RHOJ: variants seen among roughly 807,000 people sequenced by gnomAD.
The protein encoded by RHOJ is rho-related GTP-binding protein RhoJ.
A neutral mutation model predicts 23.4 loss-of-function variants in RHOJ; 11 were observed. That is an observed-to-expected ratio of 0.47 (90% CI 0.30 to 0.78). RHOJ has a LOEUF of 0.78. Ranked by LOEUF, RHOJ falls within the 30% of genes least tolerant of loss-of-function variation. RHOJ has a pLI of 0.08. For synonymous variants in RHOJ, 102 were observed against 102.7 expected (o/e 0.99, Z 0.04); for missense variants, 254 against 273.4 (o/e 0.93, Z 0.50).
chr14:63,287,999 A>G (rs1466405273), intron 4 of RHOJ, among the ~76,000 whole-genome samples: 1 of 152,154 alleles, frequency 6.6e-6, no homozygotes, highest in Admixed American at 6.5e-5. Context: ...AACCGGGATG[A>G]ATTCTTCTCC....
Position 63,243,613 on chromosome 14 carries a change from T to C in RHOJ, c.179-25497T>C, listed in dbSNP as rs149957284. On this transcript the variant is annotated intron_variant, in intron 1 of 4. Transcript: ENST00000316754. ...CCTTGGCTTCCCGAAGTGCCAGGAT[T>C]ACAGGCATAAGCCACCACGCCCGGC... Among the ~76,000 whole-genome samples, 750 of 152,270 alleles carry C rather than the reference T, an allele frequency of 4.9e-3. 5 individuals are homozygous for C. The highest frequency in any genetic ancestry group is 0.017 in the African/African-American group (710 of 41,552).
intron 4 of RHOJ, among the ~76,000 whole-genome samples, chr14:63,286,226 A>T (rs8006388): frequency 2.6e-5 from 4 of 151,948 alleles, no homozygotes; most frequent in African/African-American, 9.7e-5. Context: ...TCACTTCACC[A>T]CTGGTGTCTG....
intron 1 of RHOJ, among the ~76,000 whole-genome samples, chr14:63,266,955 G>T (rs1256288062): frequency 6.6e-6 from 1 of 152,036 alleles, no homozygotes; most frequent in African/African-American, 2.4e-5. Context: ...CAGTGCCCCT[G>T]CCGCAAGCCC....
intron 1 of RHOJ, among the ~76,000 whole-genome samples, chr14:63,215,214 C>G (rs1008569035): frequency 6.6e-6 from 1 of 152,156 alleles, no homozygotes; most frequent in Non-Finnish European, 1.5e-5. Context: ...AAGACCTCTA[C>G]TTAGGTCTTC....
chr14:63,218,716 G>C (rs1894419052), intron 1 of RHOJ, among the ~76,000 whole-genome samples: 1 of 152,152 alleles, frequency 6.6e-6, no homozygotes, highest in African/African-American at 2.4e-5. Flanking sequence ...GGGTAATCTA[G>C]AACTCAGCAG....
At chr14:63,218,070 T>G (rs1185973341) in intron 1 of RHOJ, among the ~76,000 whole-genome samples, 1 of 152,212 alleles carries the variant, frequency 6.6e-6, no homozygotes, top group Admixed American at 6.5e-5. Context: ...GTACTACATT[T>G]CTCTTCTGGC....
chr14:63,268,214 AT>A (rs151189702), intron 1 of RHOJ, among the ~76,000 whole-genome samples: 16 of 150,098 alleles, frequency 1.1e-4, no homozygotes, highest in East Asian at 5.8e-4. Flanking sequence ...AAGCGATTCA[AT>A]TTTTTTTTTG....
At chr14:63,281,224 G>A (rs1425462769) in intron 3 of RHOJ, 89 bp downstream of exon 3, 16 of 1,281,478 alleles carry the variant, frequency 1.2e-5, no homozygotes, top group Admixed American at 2.5e-5. Flanking sequence ...TCTGCCAAAC[G>A]CTATGGAAGT....
intron 2 of RHOJ, among the ~76,000 whole-genome samples, chr14:63,271,659 A>G (rs1490803194): frequency 6.6e-6 from 1 of 152,232 alleles, no homozygotes; most frequent in East Asian, 1.9e-4. Context: ...CAGTGGCGCA[A>G]TCTTGGATCA....
chr14:63,279,130 G>A (rs909898127), intron 2 of RHOJ, among the ~76,000 whole-genome samples: 2 of 152,202 alleles, frequency 1.3e-5, no homozygotes, highest in African/African-American at 4.8e-5. Flanking sequence ...TTCAATGTTT[G>A]CATTTTTGCA....
chr14:63,220,289 A>G (rs1894460929), intron 1 of RHOJ, among the ~76,000 whole-genome samples: 1 of 152,138 alleles, frequency 6.6e-6, no homozygotes, highest in African/African-American at 2.4e-5. Context: ...TGGTGCAGAC[A>G]GTGATCCTCC....
chr14:63,213,255 A>G (rs1047136818), intron 1 of RHOJ, among the ~76,000 whole-genome samples: 5 of 152,180 alleles, frequency 3.3e-5, no homozygotes, highest in Non-Finnish European at 7.3e-5. Context: ...ACAATACCCA[A>G]TAGTTAGTTT....
At chr14:63,230,617 C>T (rs757221167) in intron 1 of RHOJ, among the ~76,000 whole-genome samples, 2 of 151,762 alleles carry the variant, frequency 1.3e-5, no homozygotes, top group South Asian at 4.2e-4. Flanking sequence ...TGTATAAAAA[C>T]GAGCTACTCT....
In RHOJ at chr14:63,223,352, T is replaced by G. The variant is rs1894533502; in HGVS notation, c.178+18305T>G. On this transcript the variant is annotated intron_variant, in intron 1 of 4. Coordinates refer to ENST00000316754, the MANE Select transcript of RHOJ (RefSeq NM_020663.5). ...CTCTTCCTTAGTGTTACAGATCACT[T>G]TTCTCTCCTCTTCATCCAAGTTTAC... Among the ~76,000 whole-genome samples, 4 of 152,136 alleles carry G rather than the reference T, an allele frequency of 2.6e-5. No individual in the cohort carries two copies. In the South Asian group the frequency reaches 8.3e-4, roughly 32 times the overall value.
intron 1 of RHOJ, among the ~76,000 whole-genome samples, chr14:63,248,009 G>A (rs1049636759): frequency 2.6e-5 from 4 of 152,116 alleles, no homozygotes; most frequent in Admixed American, 2.0e-4. Flanking sequence ...CAGTATGGGG[G>A]AAACTGCCCC....
chr14:63,247,549 A>G (rs1021820532), intron 1 of RHOJ, among the ~76,000 whole-genome samples: 31 of 152,212 alleles, frequency 2.0e-4, no homozygotes, highest in African/African-American at 7.0e-4. Context: ...GGAAGAGACT[A>G]CTAAGTTTCT....
chr14:63,269,077 T>A, intron 1 of RHOJ, 33 bp from the exon 2 acceptor site: 1 of 1,522,266 alleles, frequency 6.6e-7, no homozygotes, highest in Admixed American at 1.7e-5. Context: ...GTTTATGGAC[T>A]CTCCTCTTCT....
At chr14:63,287,729 T>G (rs970060989) in intron 4 of RHOJ, among the ~76,000 whole-genome samples, 1 of 152,098 alleles carries the variant, frequency 6.6e-6, no homozygotes, top group African/African-American at 2.4e-5. Flanking sequence ...ACACCCTCAA[T>G]CTCTACTTTT....
chr14:63,291,386 T>C lies in RHOJ; in HGVS notation c.*362T>C. 1 of 307,776 alleles carries C rather than the reference T, an allele frequency of 3.2e-6. No homozygotes were observed. Among genetic ancestry groups the C allele is most frequent in the Admixed American group, 4.8e-5 (1 of 21,020 alleles). 19.1% of individuals were successfully genotyped at this position (307,776 alleles called of 1,614,324 possible). ...CCCCAGGGAACCCGAAAAAGAAACT[T>C]GATTCCTCTATTGCTGGCCTTACTT... On this transcript the variant is annotated 3_prime_UTR_variant, in exon 5 of 5. Transcript: ENST00000316754.
Sources: gnomAD v4.1 joint callset for allele counts (sites outside exome capture counted in the v4.1 genomes callset) on GRCh38, gnomAD v4.1.1 for gene constraint, MANE v1.5 for transcripts, NCBI Gene and HGNC (gene_info 2026-07-23, HGNC 2026-07-21) for gene names.